Variants in SLC30A2 observed in about 807,000 individuals in gnomAD.
SLC30A2 encodes the protein solute carrier family 30 member 2.
Under a neutral mutation model 39.6 loss-of-function variants are expected in SLC30A2, and 19 were observed. The ratio of observed to expected loss-of-function variants is 0.48; its 90% CI spans 0.34 to 0.70. The LOEUF (loss-of-function observed/expected upper bound fraction) is 0.70. SLC30A2 is among the 30% of genes least tolerant of loss of function. The pLI is 0.01. For synonymous variants in SLC30A2, 195 were observed against 194.8 expected (o/e 1.00, Z -0.01); for missense variants, 387 against 479.4 (o/e 0.81, Z 1.80).
chr1:26,041,562 T>A, intron 6 of SLC30A2, 138 bp downstream of exon 6: 1 of 581,710 alleles, frequency 1.7e-6, no homozygotes, highest in South Asian at 2.2e-5. Context: ...CCCCAGGAGG[T>A]TTTCCAGCCT....
intron 4 of SLC30A2, 115 bp from the exon 5 acceptor site, chr1:26,042,823 T>C (rs2050413975): frequency 2.1e-6 from 2 of 962,304 alleles, no homozygotes; most frequent in Non-Finnish European, 3.1e-6. Flanking sequence ...TGTGATCTCT[T>C]TGGCCATGTG....
chr1:26,040,263 T>G (rs1343079838), intron 6 of SLC30A2, among the ~76,000 whole-genome samples: 1 of 152,136 alleles, frequency 6.6e-6, no homozygotes, highest in Non-Finnish European at 1.5e-5. Flanking sequence ...TTTTGGTTTT[T>G]TTTGAGACGG....
At position 26,046,088 on chromosome 1, in the gene SLC30A2, C is replaced by T. The variant is rs890001488; in HGVS notation, c.-192G>A. 6 of 1,311,054 alleles carry T rather than the reference C, an allele frequency of 4.6e-6. No homozygotes were observed. The African/African-American group carries it at 9.4e-5, about 20-fold the overall frequency. 81.2% of individuals were successfully genotyped at this position (1,311,054 alleles called of 1,614,324 possible). On this transcript the variant is annotated 5_prime_UTR_variant, in exon 1 of 8. Coordinates refer to ENST00000374276, the MANE Select transcript of SLC30A2 (RefSeq NM_001004434.3). The surrounding 1 kb of genome is among the most constrained non-coding windows in gnomAD (Gnocchi z 4.4). ...TGCGGCTGCAGCTCCGGCTCTGGCT[C>T]CGCGTGCCAAGCGCTCCCGTGTCTC...
At chr1:26,044,111 C>T (rs1404463499) in intron 3 of SLC30A2, among the ~76,000 whole-genome samples, 187 bp downstream of exon 3, 1 of 152,182 alleles carries the variant, frequency 6.6e-6, no homozygotes, top group Non-Finnish European at 1.5e-5. Context: ...GACCAGGGCT[C>T]CCCCATCAGA....
In SLC30A2 at chr1:26,039,173, C is replaced by A; in HGVS notation, c.1106G>T (p.Gly369Val). The change falls in exon 8 of 8, where the codon GGC (glycine) becomes GTC (valine). Residue 369 changes from glycine to valine, a missense_variant. Transcript: ENST00000374276. The surrounding 1 kb of genome is among the most constrained non-coding windows in gnomAD (Gnocchi z 4.3). ...EDMKDCQACQ[G>V]PSD The stretch of plus-strand genomic sequence containing the variant: ...CTGGCTGAGCAGTCAGTCTGAGGGG[C>A]CCTGGCATGCCTGACAGTCCTTCAT... The A allele has an allele frequency of 6.2e-7, 1 of 1,613,898 alleles. No homozygotes were observed. The highest frequency in any genetic ancestry group is 1.1e-5 in the South Asian group (1 of 91,076).
At chr1:26,045,558 C>T in intron 1 of SLC30A2, 1 of 608,320 alleles carries the variant, frequency 1.6e-6, no homozygotes, top group Non-Finnish European at 2.9e-6. Context: ...CTCCCCGGGG[C>T]GGGGCTGCCT....
intron 6 of SLC30A2, among the ~76,000 whole-genome samples, chr1:26,040,245 A>C (rs1387602529): frequency 6.6e-6 from 1 of 151,916 alleles, no homozygotes; most frequent in Non-Finnish European, 1.5e-5. Flanking sequence ...GTGCTCAATA[A>C]ATATATTTTT....
rs555709750 is a variant in SLC30A2 at position 26,043,341 on chromosome 1, G to T, written c.572+57C>A. The T allele has an allele frequency of 1.3e-4, 204 of 1,545,128 alleles. 1 individual carries two copies. The South Asian group carries it at 2.2e-3, about 17-fold the overall frequency. ...CTCTTTCCGCAAAGCAGACATAGGT[G>T]TGGGTGTGAGAGGCGGGAGGAGGAG... is the stretch of plus-strand genomic sequence containing the variant. On this transcript the variant is annotated intron_variant, in intron 4 of 7. Coordinates refer to ENST00000374276, the MANE Select transcript of SLC30A2 (RefSeq NM_001004434.3).
intron 6 of SLC30A2, among the ~76,000 whole-genome samples, chr1:26,040,959 T>C (rs1474807893): frequency 6.7e-6 from 1 of 148,488 alleles, no homozygotes; most frequent in African/African-American, 2.5e-5. Flanking sequence ...TAGCCAGACA[T>C]GGTGGCATGC....
chr1:26,041,872 C>A, intron 5 of SLC30A2, 67 bp from the exon 6 acceptor site: 1 of 938,278 alleles, frequency 1.1e-6, no homozygotes, highest in East Asian at 2.6e-5. Context: ...TTCTCCCCTC[C>A]CACCCAGCAC....
chr1:26,039,689 C>T lies in SLC30A2; in HGVS notation c.973+88G>A. On this transcript the variant is annotated intron_variant, in intron 7 of 7. Coordinates refer to ENST00000374276, the MANE Select transcript of SLC30A2 (RefSeq NM_001004434.3). This position sits in a 1 kb window ranked among gnomAD's most constrained non-coding sequence, Gnocchi z 4.3. ...GGGCTTGATGCATGGGCACTGTGAG[C>T]ATCTGGGGTCACCTGGACCCGTTGG... The T allele has an allele frequency of 7.2e-7, 1 of 1,389,178 alleles. No individual in the cohort carries two copies. Among genetic ancestry groups the T allele is most frequent in the African/African-American group, 1.4e-5 (1 of 70,138 alleles). The allele number at this position is 1,389,178 out of a possible 1,614,324, so 86.1% of individuals were successfully genotyped here.
chr1:26,045,277 C>T, intron 1 of SLC30A2, 60 bp from the exon 2 acceptor site: 1 of 1,383,142 alleles, frequency 7.2e-7, no homozygotes, highest in Non-Finnish European at 1.0e-6. Context: ...AGGGCCGACT[C>T]TAGTCCCATT....
At position 26,041,818 on chromosome 1, in the gene SLC30A2, A is replaced by C; in HGVS notation, c.733-13T>G. ...ACTTGTATTCTGGCTGCAGGAAGACAGGAAGGCAGACCTGGAGTTCACCAT... is the reference window on the plus strand; with the variant it reads ...ACTTGTATTCTGGCTGCAGGAAGACCGGAAGGCAGACCTGGAGTTCACCAT... On this transcript the variant is annotated splice_polypyrimidine_tract_variant and intron_variant, in intron 5 of 7. Coordinates refer to ENST00000374276, the MANE Select transcript of SLC30A2 (RefSeq NM_001004434.3). 1 of 1,522,774 alleles carries C rather than the reference A, an allele frequency of 6.6e-7. No homozygotes were observed. Among genetic ancestry groups the C allele is most frequent in the Non-Finnish European group, 9.1e-7 (1 of 1,097,764 alleles). 94.3% of individuals were successfully genotyped at this position (1,522,774 alleles called of 1,614,324 possible).
rs905698847 is a variant in SLC30A2 at position 26,042,602 on chromosome 1, C to T, written c.679G>A (p.Asp227Asn). ...VRAAFIHVIG[D>N]FMQSMGVLVA... ...AGGACACCCATGCTCTGCATAAAGT[C>T]GCCGATCACATGGATGAAGGCAGCT... The change falls in exon 5 of 8, where the codon GAC (aspartate) becomes AAC (asparagine). Residue 227 changes from aspartate (D) to asparagine (N), a missense_variant. Coordinates refer to ENST00000374276, the MANE Select transcript of SLC30A2 (RefSeq NM_001004434.3). 34 of 1,614,006 alleles carry T rather than the reference C, an allele frequency of 2.1e-5. No homozygotes were observed. Among genetic ancestry groups the T allele is most frequent in the Middle Eastern group, 1.6e-4 (1 of 6,084 alleles).
chr1:26,045,322 G>C (rs1263882656), intron 1 of SLC30A2, 105 bp from the exon 2 acceptor site: 1 of 890,804 alleles, frequency 1.1e-6, no homozygotes, highest in African/African-American at 1.7e-5. Context: ...GGGAAAAATA[G>C]CTAAGGACGC....
chr1:26,039,906 G>T lies in SLC30A2; in HGVS notation c.844C>A (p.Pro282Thr), dbSNP rs1208466104. The part of the protein sequence containing the change: ...DVILVLMEGT[P>T]KGVDFTAVRD... ...ACAGCTGTGAAGTCAACGCCCTTGG[G>T]GGTCCCTGAGGACGGCAAGGACAGG... The change falls in exon 7 of 8, where the codon CCC becomes ACC. Residue 282 changes from proline (P) to threonine (T), a missense_variant. Pro to Thr is a conservative substitution (Grantham distance 38). Transcript: ENST00000374276. The surrounding 1 kb of genome is among the most constrained non-coding windows in gnomAD (Gnocchi z 4.3). 1 of 1,613,964 alleles carries T rather than the reference G, an allele frequency of 6.2e-7. No homozygotes were observed.
intron 5 of SLC30A2, among the ~76,000 whole-genome samples, 195 bp from the exon 6 acceptor site, chr1:26,042,000 G>C (rs2050403172): frequency 6.6e-6 from 1 of 152,210 alleles, no homozygotes; most frequent in Non-Finnish European, 1.5e-5. Flanking sequence ...CCACAGTTCA[G>C]AATAAGGCAG....
chr1:26,038,946 G>A lies in SLC30A2; in HGVS notation c.*214C>T. ...CTGGCCCAGGAGCTGGAAGAGCAGG[G>A]TCACACTAGCTTTATACCCGCTGAG... On this transcript the variant is annotated 3_prime_UTR_variant, in exon 8 of 8. Transcript: ENST00000374276. The A allele has an allele frequency of 7.8e-7, 1 of 1,289,710 alleles. No individual in the cohort carries two copies. Among genetic ancestry groups the A allele is most frequent in the Non-Finnish European group, 9.9e-7 (1 of 1,005,604 alleles). 79.9% of individuals were successfully genotyped at this position (1,289,710 alleles called of 1,614,324 possible). A position where few individuals can be genotyped will look rare whatever the true frequency, so the allele number is the denominator to read the frequency against.
intron 3 of SLC30A2, 97 bp from the exon 4 acceptor site, chr1:26,043,648 A>C (rs1569705130): frequency 4.6e-6 from 6 of 1,310,814 alleles, no homozygotes; most frequent in East Asian, 2.5e-5. Context: ...CACCTCCCAC[A>C]CAAAGTCAGG....
Sources: allele counts gnomAD v4.1 joint callset (sites outside exome capture counted in the v4.1 genomes callset), GRCh38; gene constraint gnomAD v4.1.1; non-coding constraint Gnocchi (gnomAD v3.1); transcripts MANE v1.5; gene names NCBI Gene and HGNC (gene_info 2026-07-23, HGNC 2026-07-21).